NRCAM: variants seen among roughly 807,000 people sequenced by gnomAD.
NRCAM encodes neuronal cell adhesion molecule.
A neutral mutation model predicts 156.5 loss-of-function variants in NRCAM; 83 were observed. The ratio of observed to expected loss-of-function variants is 0.53; its 90% CI spans 0.44 to 0.64. The LOEUF (loss-of-function observed/expected upper bound fraction) is 0.64. NRCAM is among the 30% of genes least tolerant of loss of function. NRCAM has a pLI of 0.00. For missense variants in NRCAM, 1,417 were observed against 1,597.3 expected, an observed-to-expected ratio of 0.89 and a Z score of 1.92; for synonymous variants, 538 against 563.9, an observed-to-expected ratio of 0.95 and a Z score of 0.65.
intron 3 of NRCAM, among the ~76,000 whole-genome samples, chr7:108,291,113 A>T (rs2098275878): frequency 6.6e-6 from 1 of 152,144 alleles, no homozygotes; most frequent in Non-Finnish European, 1.5e-5. Flanking sequence ...AATATAGAAG[A>T]TCAAAAGAAA....
At chr7:108,300,160 CTTTTTTTTTTTTT>C (rs10665036) in intron 3 of NRCAM, among the ~76,000 whole-genome samples, 6 of 65,858 alleles carry the variant, frequency 9.1e-5, no homozygotes, top group South Asian at 8.8e-4. Flanking sequence ...TTTCTGTTGA[CTTTTTTTTTTTTT>C]TTTTTTTTTT....
intron 1 of NRCAM, among the ~76,000 whole-genome samples, chr7:108,408,083 TACAA>T (rs1790665903): frequency 6.6e-6 from 1 of 152,214 alleles, no homozygotes; most frequent in South Asian, 2.1e-4. Flanking sequence ...CATTTTCAAC[TACAA>T]ACAATAACAG....
At position 108,437,208 on chromosome 7, in the gene NRCAM, T is replaced by TA. The variant is rs538265407; in HGVS notation, c.-332+19034dup. On this transcript the variant is annotated intron_variant, in intron 1 of 32. Transcript: ENST00000379028. ...CATGTTTTCACTTATATGTGGGATC[T>TA]AAAAAATCAAAACAATTGAACTCAT... Among the ~76,000 whole-genome samples the TA allele has an allele frequency of 5.8e-3, 888 of 152,186 alleles. 3 individuals are homozygous for TA. The highest frequency in any genetic ancestry group is 9.1e-3 in the Non-Finnish European group (620 of 67,998).
intron 28 of NRCAM, among the ~76,000 whole-genome samples, chr7:108,168,906 T>A (rs1321702454): frequency 6.6e-6 from 1 of 152,206 alleles, no homozygotes; most frequent in Admixed American, 6.5e-5. Context: ...GTTTTTGATC[T>A]GTTTTAAAAA....
At chr7:108,365,569 T>G (rs1210846061) in intron 2 of NRCAM, among the ~76,000 whole-genome samples, 3 of 152,188 alleles carry the variant, frequency 2.0e-5, no homozygotes, top group Non-Finnish European at 4.4e-5. Flanking sequence ...TGAAAAAGGC[T>G]TGTAACATAT....
At chr7:108,427,522 C>T (rs1270762363) in intron 1 of NRCAM, among the ~76,000 whole-genome samples, 2 of 152,178 alleles carry the variant, frequency 1.3e-5, no homozygotes, top group South Asian at 2.1e-4. Context: ...TCTCCAATGG[C>T]TGGAGAGACA....
chr7:108,283,501 G>A (rs1181558518), intron 3 of NRCAM, among the ~76,000 whole-genome samples: 2 of 152,194 alleles, frequency 1.3e-5, no homozygotes, highest in Non-Finnish European at 2.9e-5. Context: ...AAAGGAGCAG[G>A]AGATGCGAAT....
chr7:108,317,330 G>C (rs76036879), intron 2 of NRCAM, among the ~76,000 whole-genome samples: 4 of 152,080 alleles, frequency 2.6e-5, no homozygotes, highest in Non-Finnish European at 5.9e-5. Context: ...TATAATCTAG[G>C]AAGAAGATTT....
At chr7:108,255,156 TCTCCCTCTCCCC>T (rs2096565441) in intron 3 of NRCAM, among the ~76,000 whole-genome samples, 2 of 119,992 alleles carry the variant, frequency 1.7e-5, no homozygotes, top group Non-Finnish European at 3.4e-5. Flanking sequence ...AGCCTCTCCC[TCTCCCTCTCCCC>T]CTCCCCCCCC....
intron 13 of NRCAM, among the ~76,000 whole-genome samples, chr7:108,206,041 C>T (rs1588176617): frequency 6.6e-6 from 1 of 152,186 alleles, no homozygotes; most frequent in Admixed American, 6.5e-5. Flanking sequence ...ATGGAAATAC[C>T]CAAACCCTAT....
intron 2 of NRCAM, among the ~76,000 whole-genome samples, chr7:108,359,333 A>G (rs1323790552): frequency 6.6e-6 from 1 of 152,176 alleles, no homozygotes; most frequent in Non-Finnish European, 1.5e-5. Flanking sequence ...AGATAATTAC[A>G]ATAAAACTAG....
intron 3 of NRCAM, among the ~76,000 whole-genome samples, chr7:108,259,703 T>A (rs1363141793): frequency 6.6e-6 from 1 of 152,172 alleles, no homozygotes; most frequent in Non-Finnish European, 1.5e-5. Flanking sequence ...GGGACATGGA[T>A]GGAGCTGGAA....
intron 2 of NRCAM, among the ~76,000 whole-genome samples, chr7:108,375,547 T>C (rs1297686384): frequency 6.6e-6 from 1 of 152,074 alleles, no homozygotes; most frequent in African/African-American, 2.4e-5. Flanking sequence ...ACTCATGAAG[T>C]CACCACTTCA....
At chr7:108,327,541 T>C (rs2099082404) in intron 2 of NRCAM, among the ~76,000 whole-genome samples, 1 of 152,086 alleles carries the variant, frequency 6.6e-6, no homozygotes, top group African/African-American at 2.4e-5. Flanking sequence ...AAAACTTTGG[T>C]TTCAAGATAC....
chr7:108,379,467 G>A (rs1056332083), intron 2 of NRCAM, among the ~76,000 whole-genome samples: 1 of 152,118 alleles, frequency 6.6e-6, no homozygotes, highest in African/African-American at 2.4e-5. Context: ...AGGAGCTGGA[G>A]GAGAGGAGAT....
Position 108,245,887 on chromosome 7 carries a change from GA to G in NRCAM, c.-106-5718del, listed in dbSNP as rs764442133. Among the ~76,000 whole-genome samples the G allele has an allele frequency of 2.6e-5, 4 of 152,250 alleles. No homozygotes were observed. In the East Asian group the frequency reaches 5.8e-4, roughly 22 times the overall value. On this transcript the variant is annotated intron_variant, in intron 3 of 32. Coordinates refer to ENST00000379028, the MANE Select transcript of NRCAM (RefSeq NM_001037132.4). ...TACTTAGCACAGCAGTAACAAGAAAGAAAATAGAACAATATGAGGCAATGAT... is the reference window on the plus strand; with the variant it reads ...TACTTAGCACAGCAGTAACAAGAAAGAAATAGAACAATATGAGGCAATGAT...
chr7:108,287,831 T>C (rs555818322), intron 3 of NRCAM, among the ~76,000 whole-genome samples: 23 of 152,126 alleles, frequency 1.5e-4, no homozygotes, highest in Admixed American at 1.4e-3. Flanking sequence ...GAACTAAAAA[T>C]AGAACTACCT....
chr7:108,305,842 A>G (rs1338990608), intron 3 of NRCAM, among the ~76,000 whole-genome samples: 1 of 152,246 alleles, frequency 6.6e-6, no homozygotes, highest in Non-Finnish European at 1.5e-5. Flanking sequence ...ATTAAAAGTT[A>G]TCTGAAAACT....
At chr7:108,229,938 G>C (rs1454723591) in intron 8 of NRCAM, among the ~76,000 whole-genome samples, 1 of 152,132 alleles carries the variant, frequency 6.6e-6, no homozygotes, top group African/African-American at 2.4e-5. Context: ...ATCTGCCTCA[G>C]TTTCCTCATC....
Sources: allele counts gnomAD v4.1 joint callset (sites outside exome capture counted in the v4.1 genomes callset), GRCh38; gene constraint gnomAD v4.1.1; transcripts MANE v1.5; gene names NCBI Gene and HGNC (gene_info 2026-07-23, HGNC 2026-07-21).